Variants in SUPT6H observed in about 807,000 individuals in gnomAD.
The protein encoded by SUPT6H is SPT6 homolog, histone chaperone and transcription elongation factor, also known as transcription elongation factor SPT6.
A neutral mutation model predicts 222.3 loss-of-function variants in SUPT6H; 11 were observed. That is an observed-to-expected ratio of 0.05 (90% CI 0.03 to 0.08). SUPT6H has a LOEUF of 0.08. SUPT6H is among the 10% of genes least tolerant of loss of function. SUPT6H has a pLI of 1.00. For synonymous variants in SUPT6H, 762 were observed against 801.2 expected (o/e 0.95, Z 0.83); for missense variants, 1,422 against 2,216.0 (o/e 0.64, Z 7.19).
At chr17:28,687,016 A>G in intron 21 of SUPT6H, 72 bp from the exon 22 acceptor site, 3 of 1,569,382 alleles carry the variant, frequency 1.9e-6, no homozygotes, top group Non-Finnish European at 2.6e-6. Flanking sequence ...TTAAACCAGA[A>G]TGGTTTGGAT....
intron 11 of SUPT6H, 132 bp from the exon 12 acceptor site, chr17:28,681,123 AT>A (rs886916728): frequency 2.3e-6 from 2 of 877,188 alleles, no homozygotes; most frequent in Non-Finnish European, 3.5e-6. Context: ...AATAGTAATA[AT>A]AATTGGAAAA....
At chr17:28,698,352 C>T (rs1238171440) in intron 32 of SUPT6H, among the ~76,000 whole-genome samples, 1 of 152,234 alleles carries the variant, frequency 6.6e-6, no homozygotes, top group African/African-American at 2.4e-5. Context: ...ACACTGGTCT[C>T]TCCTGTCCAC....
At chr17:28,690,775 AAAAT>A (rs1048547848) in intron 26 of SUPT6H, 142 bp from the exon 27 acceptor site, 114 of 996,072 alleles carry the variant, frequency 1.1e-4, no homozygotes, top group Admixed American at 6.0e-4. Context: ...CTTCATCTCA[AAAAT>A]AAATAAATAA....
At chr17:28,681,033 C>T in intron 11 of SUPT6H, 1 of 490,626 alleles carries the variant, frequency 2.0e-6, no homozygotes, top group South Asian at 2.2e-5. Context: ...TCGCGGCAGC[C>T]TCAACCGCCC....
intron 1 of SUPT6H, among the ~76,000 whole-genome samples, chr17:28,671,697 G>A (rs528293967): frequency 6.6e-6 from 1 of 152,330 alleles, no homozygotes; most frequent in South Asian, 2.1e-4. Flanking sequence ...GTTGGGGTTG[G>A]TTGGTACAGA....
chr17:28,676,256 G>A lies in SUPT6H; in HGVS notation c.723G>A (p.Glu241=), dbSNP rs1161921706. The change falls in exon 7 of 37, where the codon GAG becomes GAA. Residue 241 remains glutamate, a synonymous_variant. Coordinates refer to ENST00000314616, the MANE Select transcript of SUPT6H (RefSeq NM_003170.5). ...ATGAAGAACTGGAGGAAGAGTATGA[G>A]TATGAGGATGATGAGGCTGAGGGTG... ...EYDEELEEEY[E]YEDDEAEGEI... 35 of 1,613,984 alleles carry A rather than the reference G, an allele frequency of 2.2e-5. No individual in the cohort carries two copies. Among genetic ancestry groups the A allele is most frequent in the Non-Finnish European group, 3.0e-5 (35 of 1,179,970 alleles).
intron 4 of SUPT6H, 133 bp downstream of exon 4, chr17:28,674,746 C>T: frequency 1.1e-6 from 1 of 909,518 alleles, no homozygotes; most frequent in Non-Finnish European, 1.7e-6. Context: ...TATCATTGTA[C>T]TACGGAGCCT....
At chr17:28,679,405 C>T (rs998426424) in intron 11 of SUPT6H, among the ~76,000 whole-genome samples, 5 of 152,110 alleles carry the variant, frequency 3.3e-5, no homozygotes, top group Non-Finnish European at 7.3e-5. Flanking sequence ...TTGTCAAAGC[C>T]AGGCGTGGTG....
At chr17:28,664,457 A>C (rs2029902089) in intron 1 of SUPT6H, among the ~76,000 whole-genome samples, 1 of 152,220 alleles carries the variant, frequency 6.6e-6, no homozygotes, top group Admixed American at 6.5e-5. Context: ...GTGAGCAGAG[A>C]TCATGCCACT....
intron 4 of SUPT6H, 51 bp downstream of exon 4, chr17:28,674,664 G>A: frequency 6.4e-7 from 1 of 1,574,342 alleles, no homozygotes; most frequent in Non-Finnish European, 8.7e-7. Flanking sequence ...AAAAAGCCCT[G>A]GAAATTTCAA....
Position 28,682,037 on chromosome 17 carries a change from C to T in SUPT6H, c.1597+57C>T, listed in dbSNP as rs1376671093. 16 of 1,427,292 alleles carry T rather than the reference C, an allele frequency of 1.1e-5. No individual in the cohort carries two copies. In the South Asian group the frequency reaches 1.6e-4, roughly 15 times the overall value. The allele number at this position is 1,427,292 out of a possible 1,614,324, so 88.4% of individuals were successfully genotyped here. On this transcript the variant is annotated intron_variant, in intron 13 of 36. Coordinates refer to ENST00000314616, the MANE Select transcript of SUPT6H (RefSeq NM_003170.5). ...TCTAGCCTGAGCAAGGGGAGTTACC[C>T]AGAAAAAAGACTGGTAGGTAGGAAA...
Position 28,701,099 on chromosome 17 carries a change from C to T in SUPT6H, c.4965C>T (p.Ser1655=), listed in dbSNP as rs201369343. 23 of 1,612,416 alleles carry T rather than the reference C, an allele frequency of 1.4e-5. No individual in the cohort carries two copies. The East Asian group carries it at 4.7e-4, about 33-fold the overall frequency. The stretch of plus-strand genomic sequence containing the variant: ...CCCAGGCCCAGCCCCAGCCCTCTTC[C>T]AGCTCCCGGCAACGGCAGCAGCAGC... ...QSAQAQPQPS[S]SSRQRQQQPK... Residue 1655 remains serine, a synonymous_variant, in exon 36 of 37, where the codon TCC becomes TCT. Transcript: ENST00000314616.
chr17:28,681,071 T>G (rs371472312), intron 11 of SUPT6H, 185 bp from the exon 12 acceptor site: 4 of 603,106 alleles, frequency 6.6e-6, no homozygotes, highest in South Asian at 4.1e-5. Context: ...CCATCTCCAG[T>G]CTGGGCAACA....
intron 11 of SUPT6H, among the ~76,000 whole-genome samples, chr17:28,679,175 C>T (rs998375423): frequency 6.6e-6 from 1 of 152,156 alleles, no homozygotes; most frequent in Admixed American, 6.5e-5. Context: ...AGTTCAAGAT[C>T]AGCTTGGCCA....
chr17:28,685,602 G>T (rs531345972), intron 19 of SUPT6H, among the ~76,000 whole-genome samples: 37 of 151,932 alleles, frequency 2.4e-4, no homozygotes, highest in Non-Finnish European at 3.7e-4. Flanking sequence ...TGATCCTCCT[G>T]CCTTCCAAGT....
chr17:28,673,488 A>G lies in SUPT6H; in HGVS notation c.87A>G (p.Lys29=). The G allele has an allele frequency of 6.2e-7, 1 of 1,613,370 alleles. No homozygotes were observed. The highest frequency in any genetic ancestry group is 1.1e-5 in the South Asian group (1 of 91,020). Residue 29 remains lysine (K), a synonymous_variant, in exon 2 of 37, where the codon AAA becomes AAG. Transcript: ENST00000314616. ...AGGTGGTACCCCGAGTCACCAAGAA[A>G]TTTGTGGAAGAGGAGGATGATGGTG... ...EGEVVPRVTK[K]FVEEEDDDEE...
Position 28,681,283 on chromosome 17 carries a change from G to A in SUPT6H, c.1377G>A (p.Glu459=). The A allele has an allele frequency of 1.2e-6, 2 of 1,613,972 alleles. No individual in the cohort carries two copies. The highest frequency in any genetic ancestry group is 1.3e-5 in the African/African-American group (1 of 75,012). ...ERLKDVQSMD[E]LKDVYNHFLL... is the part of the protein sequence containing the mutation. ...TCAAGGATGTCCAATCAATGGATGAGCTGAAAGATGTCTACAACCATTTTC... is the reference window on the plus strand; with the variant it reads ...TCAAGGATGTCCAATCAATGGATGAACTGAAAGATGTCTACAACCATTTTC... The change falls in exon 12 of 37, where the codon GAG becomes GAA. Residue 459 remains glutamate (E), a synonymous_variant. Coordinates refer to ENST00000314616, the MANE Select transcript of SUPT6H (RefSeq NM_003170.5).
Position 28,682,819 on chromosome 17 carries a change from G to A in SUPT6H, c.1690G>A (p.Ala564Thr). 6.2e-7 allele frequency: 1 copy of A among 1,614,166 alleles called. No individual in the cohort carries two copies. Among genetic ancestry groups the A allele is most frequent in the Non-Finnish European group, 8.5e-7 (1 of 1,180,032 alleles). ...GCGGCACGAGACAGAGCAGTTTCCCGCGGAGCCCTTGGAGCTGGCCAAGGA... is the reference window on the plus strand; with the variant it reads ...GCGGCACGAGACAGAGCAGTTTCCCACGGAGCCCTTGGAGCTGGCCAAGGA... The part of the protein sequence containing the change: ...YQRHETEQFP[A>T]EPLELAKDYV... The change falls in exon 14 of 37, where the codon GCG (alanine) becomes ACG (threonine). Residue 564 changes from alanine to threonine, a missense_variant. Physicochemically the swap from Ala to Thr is moderately conservative, Grantham distance 58 (BLOSUM62 0). This residue lies in a region of SUPT6H where 121 missense variants were observed against 158.0 expected (regional missense o/e 0.77). Transcript: ENST00000314616.
chr17:28,676,486 G>A, intron 7 of SUPT6H, 56 bp downstream of exon 7: 1 of 1,605,718 alleles, frequency 6.2e-7, no homozygotes, highest in Non-Finnish European at 8.5e-7. Flanking sequence ...TTGTAGCCAA[G>A]AAATATTCTA....
Sources: allele counts gnomAD v4.1 joint callset (sites outside exome capture counted in the v4.1 genomes callset), GRCh38; gene constraint gnomAD v4.1.1; regional missense constraint gnomAD v4.1.1; transcripts MANE v1.5; gene names NCBI Gene and HGNC (gene_info 2026-07-23, HGNC 2026-07-21).